Variants in SLC28A3 observed in about 807,000 individuals in gnomAD.
The protein encoded by SLC28A3 is solute carrier family 28 member 3.
A neutral mutation model predicts 84.2 loss-of-function variants in SLC28A3; 68 were observed. That is an observed-to-expected ratio of 0.81 (90% CI 0.66 to 0.99). The LOEUF (loss-of-function observed/expected upper bound fraction) is 0.99. SLC28A3 is among the 50% of genes least tolerant of loss of function. SLC28A3 has a pLI of 0.00. For synonymous variants in SLC28A3, 267 were observed against 303.6 expected (o/e 0.88, Z 1.25); for missense variants, 712 against 841.5 (o/e 0.85, Z 1.90).
At chr9:84,303,389 C>T (rs758213787) in intron 4 of SLC28A3, among the ~76,000 whole-genome samples, 10 of 152,236 alleles carry the variant, frequency 6.6e-5, no homozygotes, top group Non-Finnish European at 1.2e-4. Flanking sequence ...GGTGCGATCT[C>T]GGCTCACTGC....
chr9:84,335,277 G>A (rs1564179835), intron 1 of SLC28A3, among the ~76,000 whole-genome samples: 1 of 152,122 alleles, frequency 6.6e-6, no homozygotes, highest in Non-Finnish European at 1.5e-5. Flanking sequence ...GGCTGGGTGA[G>A]GTGGCTCACA....
At chr9:84,341,122 T>C (rs991030635), upstream of SLC28A3, among the ~76,000 whole-genome samples, 57 of 151,944 alleles carry the variant, frequency 3.8e-4, no homozygotes, top group African/African-American at 1.3e-3. Context: ...TACAGGTGCA[T>C]GCCACCACAC....
rs1415760371 is a variant in SLC28A3 at position 84,283,381 on chromosome 9, T to A, written c.1647+1964A>T. The stretch of plus-strand genomic sequence containing the variant: ...CTCTGATAGTGAAAAAACAGATAAC[T>A]GCTTATCAGCATGGGACTGGTTAAG... On this transcript the variant is annotated intron_variant, in intron 14 of 17. Transcript: ENST00000376238. Among the ~76,000 whole-genome samples the A allele has an allele frequency of 2.0e-5, 3 of 152,364 alleles. No individual in the cohort carries two copies. The South Asian group carries it at 6.2e-4, about 32-fold the overall frequency.
chr9:84,323,286 A>G (rs1826436913), intron 1 of SLC28A3, among the ~76,000 whole-genome samples: 1 of 152,286 alleles, frequency 6.6e-6, no homozygotes, highest in African/African-American at 2.4e-5. Flanking sequence ...TAGTATACCT[A>G]TTTTTAGATG....
intron 15 of SLC28A3, 45 bp from the exon 16 acceptor site, chr9:84,280,118 T>G: frequency 6.4e-7 from 1 of 1,570,658 alleles, no homozygotes; most frequent in South Asian, 1.1e-5. Context: ...GTTGAAGTAC[T>G]GATTAAAACT....
upstream of SLC28A3, among the ~76,000 whole-genome samples, chr9:84,342,126 T>C (rs1471165794): frequency 7.0e-5 from 4 of 57,374 alleles, no homozygotes; most frequent in Admixed American, 6.0e-4. Context: ...AGACCCTGTC[T>C]CAAAAAAAAA....
chr9:84,321,045 A>C (rs1202820222), intron 1 of SLC28A3, among the ~76,000 whole-genome samples: 1 of 152,142 alleles, frequency 6.6e-6, no homozygotes, highest in African/African-American at 2.4e-5. Context: ...GTTGTGCTAA[A>C]GACTACTAAA....
chr9:84,281,020 C>G (rs1824730298), intron 14 of SLC28A3, 138 bp from the exon 15 acceptor site: 3 of 753,568 alleles, frequency 4.0e-6, no homozygotes, highest in Non-Finnish European at 6.5e-6. Context: ...ATACCCATTA[C>G]TCCCTAGACC....
the SLC28A3 span, among the ~76,000 whole-genome samples, chr9:84,359,681 A>G: frequency 6.6e-6 from 1 of 152,196 alleles, no homozygotes; most frequent in Non-Finnish European, 1.5e-5. Context: ...GAGCCTAAGA[A>G]AAGATAAAGT....
chr9:84,332,627 G>A (rs1025111824), intron 1 of SLC28A3, among the ~76,000 whole-genome samples: 7 of 152,114 alleles, frequency 4.6e-5, no homozygotes, highest in African/African-American at 1.7e-4. Context: ...CAGGACTGTT[G>A]CTTTCATTGT....
intron 1 of SLC28A3, among the ~76,000 whole-genome samples, chr9:84,331,279 G>A (rs1826775760): frequency 6.6e-6 from 1 of 152,162 alleles, no homozygotes; most frequent in South Asian, 2.1e-4. Context: ...CTCCAGCCGA[G>A]CGCCTCTTGA....
chr9:84,294,244 A>G lies in SLC28A3; in HGVS notation c.893T>C (p.Val298Ala), dbSNP rs1289209568. The G allele has an allele frequency of 6.2e-7, 1 of 1,614,042 alleles. No homozygotes were observed. The highest frequency in any genetic ancestry group is 1.3e-5 in the African/African-American group (1 of 74,926). ...VLPIVVFFST[V>A]MSMLYYLGLM... ...TCCCAGGTAGTACAGCATGGACATC[A>G]CAGTGCTGAAGAAAACCACGATCGG... The change falls in exon 9 of 18, where the codon GTG becomes GCG. Residue 298 changes from valine (V) to alanine (A), a missense_variant. Transcript: ENST00000376238.
At chr9:84,340,982 C>CT (rs1020983159), upstream of SLC28A3, among the ~76,000 whole-genome samples, 47 of 139,426 alleles carry the variant, frequency 3.4e-4, no homozygotes, top group Non-Finnish European at 4.3e-4. Flanking sequence ...TTCTTTCTTT[C>CT]TTTTTTTTTT....
rs367576115 is a variant in SLC28A3 at position 84,278,294 on chromosome 9, A to G, written c.2000T>C (p.Leu667Pro). 8.1e-6 allele frequency: 13 copies of G among 1,614,214 alleles called. No homozygotes were observed. In the African/African-American group the frequency reaches 9.3e-5, roughly 12 times the overall value. The change falls in exon 18 of 18, where the codon CTG (leucine) becomes CCG (proline). Residue 667 changes from leucine (L) to proline (P), a missense_variant. Coordinates refer to ENST00000376238, the MANE Select transcript of SLC28A3 (RefSeq NM_001199633.2). ...TGTGCAGCAGCCCTTCAAAGAATAC[A>G]GACTGTGGTTTCCTCCTGGGATGAC... ...GEVIPGGNHS[L>P]YSLKGCCTLL...
chr9:84,322,237 A>T (rs955475623), intron 1 of SLC28A3, among the ~76,000 whole-genome samples: 2 of 152,238 alleles, frequency 1.3e-5, no homozygotes, highest in Admixed American at 1.3e-4. Flanking sequence ...TTGGAATAAG[A>T]TAGAAGAAGA....
intron 1 of SLC28A3, among the ~76,000 whole-genome samples, chr9:84,328,156 T>TACTACACACAC (rs1826637081): frequency 7.6e-6 from 1 of 131,900 alleles, no homozygotes. Flanking sequence ...GGGAAAAGAC[T>TACTACACACAC]ACACACACAC....
At chr9:84,342,127 C>CAAAAAAAAAAAAA (rs200186519), upstream of SLC28A3, among the ~76,000 whole-genome samples, 5 of 68,734 alleles carry the variant, frequency 7.3e-5, no homozygotes, top group African/African-American at 1.8e-4. Flanking sequence ...GACCCTGTCT[C>CAAAAAAAAAAAAA]AAAAAAAAAA....
At position 84,309,009 on chromosome 9, in the gene SLC28A3, T is replaced by G. The variant is rs116185220; in HGVS notation, c.242+620A>C. ...CATTGAGAAGATGAATTAACTGCAT[T>G]CGTATGGACTGGAGCAATTATTTGG... On this transcript the variant is annotated intron_variant, in intron 3 of 17. Coordinates refer to ENST00000376238, the MANE Select transcript of SLC28A3 (RefSeq NM_001199633.2). 2.8e-3 allele frequency among the ~76,000 whole-genome samples: 419 copies of G among 152,308 alleles called. 3 individuals carry two copies. The highest frequency in any genetic ancestry group is 9.8e-3 in the African/African-American group (407 of 41,566).
At chr9:84,303,443 C>T (rs966021558) in intron 4 of SLC28A3, among the ~76,000 whole-genome samples, 4 of 152,200 alleles carry the variant, frequency 2.6e-5, no homozygotes, top group African/African-American at 7.2e-5. Context: ...GCCTTAGCCT[C>T]CTGAGTACCT....
Sources: gnomAD v4.1 joint callset for allele counts (sites outside exome capture counted in the v4.1 genomes callset) on GRCh38, gnomAD v4.1.1 for gene constraint, MANE v1.5 for transcripts, NCBI Gene and HGNC (gene_info 2026-07-23, HGNC 2026-07-21) for gene names.